KCNMA1: variants seen among roughly 807,000 people sequenced by gnomAD.
KCNMA1 encodes the protein potassium calcium-activated channel subfamily M alpha 1.
Under a neutral mutation model 140.0 loss-of-function variants are expected in KCNMA1, and 29 were observed. The observed-to-expected ratio is 0.21, with a 90% CI of 0.15 to 0.28. The LOEUF is 0.28. KCNMA1 is among the 10% of genes least tolerant of loss of function. KCNMA1 has a pLI of 1.00. For missense variants in KCNMA1, 880 were observed against 1,602.2 expected (o/e 0.55, Z 7.70); for synonymous variants, 612 against 611.9 (o/e 1.00, Z 0.00).
intron 1 of KCNMA1, among the ~76,000 whole-genome samples, chr10:77,564,418 C>T (rs1357673880): frequency 6.6e-6 from 1 of 152,054 alleles, no homozygotes; most frequent in Non-Finnish European, 1.5e-5. Context: ...ACTAAAAATA[C>T]AAAAATTAGC....
At chr10:77,251,357 G>GC (rs1383005328) in intron 2 of KCNMA1, 101 bp from the exon 3 acceptor site, 1 of 861,076 alleles carries the variant, frequency 1.2e-6, no homozygotes, top group Non-Finnish European at 1.9e-6. Flanking sequence ...GGTGCCCATT[G>GC]CCCTTGGGGA....
intron 1 of KCNMA1, among the ~76,000 whole-genome samples, chr10:77,442,821 A>G (rs1434098745): frequency 2.0e-5 from 3 of 152,168 alleles, no homozygotes; most frequent in Admixed American, 1.3e-4. Flanking sequence ...AGGTGGCCAC[A>G]GGAGTCAGCA....
intron 2 of KCNMA1, among the ~76,000 whole-genome samples, chr10:77,393,278 GTTC>G (rs3997981): frequency 0.78 from 117,591 of 151,658 alleles, 45,722 homozygotes; most frequent in Middle Eastern, 0.83. Context: ...CTCAAGGGCT[GTTC>G]TTCTACCCCT....
intron 1 of KCNMA1, among the ~76,000 whole-genome samples, chr10:77,557,570 A>G (rs1481775654): frequency 1.3e-5 from 2 of 152,136 alleles, no homozygotes; most frequent in Non-Finnish European, 2.9e-5. Context: ...TTTTTTAAAA[A>G]GTGGATCCTC....
At chr10:77,071,753 G>A (rs1543588) in intron 14 of KCNMA1, 63,051 of 152,078 alleles carry the variant, frequency 0.41, 14,735 homozygotes, top group Non-Finnish European at 0.53. Flanking sequence ...TTAAATCAAG[G>A]TATCCCTTGC....
At chr10:76,887,660 C>T (rs375639536) in intron 27 of KCNMA1, 145 bp from the exon 28 acceptor site, 1 of 886,030 alleles carries the variant, frequency 1.1e-6, no homozygotes, top group Non-Finnish European at 1.8e-6. Context: ...AGGCCTTAAA[C>T]ATTCTTTTTC....
chr10:77,075,673 T>A (rs2096371866), intron 13 of KCNMA1, among the ~76,000 whole-genome samples: 1 of 152,222 alleles, frequency 6.6e-6, no homozygotes, highest in South Asian at 2.1e-4. Context: ...AAGTTGAGTT[T>A]GTTCCTTATC....
At chr10:77,398,719 C>A (rs533677837) in intron 2 of KCNMA1, among the ~76,000 whole-genome samples, 4 of 152,194 alleles carry the variant, frequency 2.6e-5, no homozygotes, top group Non-Finnish European at 5.9e-5. Flanking sequence ...AGAGTTGAGT[C>A]GTGGAGCCCA....
intron 14 of KCNMA1, chr10:77,063,972 G>A (rs2095847737): frequency 2.0e-6 from 2 of 985,396 alleles, no homozygotes; most frequent in Non-Finnish European, 2.4e-6. Context: ...GCCAGGGTGA[G>A]TGTCAGCTTC....
chr10:77,350,143 C>A (rs2092699295), intron 2 of KCNMA1, among the ~76,000 whole-genome samples: 1 of 152,212 alleles, frequency 6.6e-6, no homozygotes, highest in Non-Finnish European at 1.5e-5. Flanking sequence ...AGGTGATCCA[C>A]CAGCCACGGC....
chr10:77,083,605 C>A (rs912811297), intron 12 of KCNMA1, among the ~76,000 whole-genome samples: 2 of 150,760 alleles, frequency 1.3e-5, no homozygotes, highest in Admixed American at 1.3e-4. Flanking sequence ...GTGGGAGGAT[C>A]ACTTGAGGTT....
At chr10:77,075,022 A>G (rs1247786) in intron 13 of KCNMA1, among the ~76,000 whole-genome samples, 150,121 of 152,350 alleles carry the variant, frequency 0.99, 74,000 homozygotes, top group African/African-American at 1. Context: ...TACTATTCTT[A>G]TGAAATTCCT....
chr10:76,901,716 G>A (rs1464912465), intron 25 of KCNMA1: 1 of 152,146 alleles, frequency 6.6e-6, no homozygotes, highest in East Asian at 1.9e-4. Context: ...AACAACTCTG[G>A]GACCACTCAT....
chr10:77,556,818 A>G (rs1220871904), intron 1 of KCNMA1, among the ~76,000 whole-genome samples: 2 of 152,086 alleles, frequency 1.3e-5, no homozygotes, highest in African/African-American at 4.8e-5. Context: ...AGTCAAAAAC[A>G]CCCTAAGAAA....
chr10:77,541,893 C>A (rs1256320074), intron 1 of KCNMA1, among the ~76,000 whole-genome samples: 1 of 152,128 alleles, frequency 6.6e-6, no homozygotes, highest in Non-Finnish European at 1.5e-5. Context: ...AACAACTTAT[C>A]CATTCACTAA....
rs1589531086 is a variant in KCNMA1, at chr10:76,886,800, T to C, written c.*466A>G. ...TTTGGTTGCTTGTTTCAAATAAACATGTGCTAACTTATTGTGTGTATAAAA... is the reference window on the plus strand; with the variant it reads ...TTTGGTTGCTTGTTTCAAATAAACACGTGCTAACTTATTGTGTGTATAAAA... On this transcript the variant is annotated 3_prime_UTR_variant, in exon 28 of 28. Coordinates refer to ENST00000286628, the MANE Select transcript of KCNMA1 (RefSeq NM_001161352.2). The C allele has an allele frequency of 9.6e-7, 1 of 1,037,130 alleles. No homozygotes were observed. The allele number at this position is 1,037,130 out of a possible 1,614,324, so 64.2% of individuals were successfully genotyped here.
chr10:77,414,524 C>T (rs1010179457), intron 1 of KCNMA1, among the ~76,000 whole-genome samples: 1 of 152,102 alleles, frequency 6.6e-6, no homozygotes, highest in Non-Finnish European at 1.5e-5. Flanking sequence ...CAGAGTCTCA[C>T]TCTGTCGCCC....
intron 1 of KCNMA1, among the ~76,000 whole-genome samples, chr10:77,526,644 GAGC>G (rs1363117059): frequency 6.6e-6 from 1 of 152,198 alleles, no homozygotes; most frequent in Non-Finnish European, 1.5e-5. Context: ...TCAATTCAAA[GAGC>G]AGCAGAAGAG....
intron 23 of KCNMA1, among the ~76,000 whole-genome samples, chr10:76,924,540 G>A (rs570341883): frequency 1.1e-4 from 16 of 152,116 alleles, no homozygotes; most frequent in East Asian, 5.8e-4. Flanking sequence ...CTGAAATCTC[G>A]AAACCTCATG....
Sources: gnomAD v4.1 joint callset for allele counts (sites outside exome capture counted in the v4.1 genomes callset) on GRCh38, gnomAD v4.1.1 for gene constraint, MANE v1.5 for transcripts, NCBI Gene and HGNC (gene_info 2026-07-23, HGNC 2026-07-21) for gene names.